Variants in PSMC2 observed in about 807,000 individuals in gnomAD.
PSMC2 encodes 26S proteasome regulatory subunit 7.
PSMC2 carries 7 observed loss-of-function variants against 53.3 expected under a neutral mutation model. The observed-to-expected ratio is 0.13, with a 90% confidence interval of 0.07 to 0.25. PSMC2 has a LOEUF of 0.25. Among genes scored for constraint, PSMC2 ranks in the 10% least tolerant of loss-of-function variants. The pLI, the probability that PSMC2 is intolerant of heterozygous loss-of-function variation, is 1.00. For synonymous variants in PSMC2, 169 were observed against 183.9 expected, an observed-to-expected ratio of 0.92 and a Z score of 0.66; for missense variants, 241 against 544.0, an observed-to-expected ratio of 0.44 and a Z score of 5.54.
At chr7:103,349,612 A>G (rs1425463324) in intron 1 of PSMC2, among the ~76,000 whole-genome samples, 1 of 151,806 alleles carries the variant, frequency 6.6e-6, no homozygotes, top group Non-Finnish European at 1.5e-5. Context: ...ACCACACCCA[A>G]CTAATTTTTG....
At chr7:103,363,527 C>G (rs1820529781) in intron 7 of PSMC2, 88 bp downstream of exon 7, 5 of 1,171,426 alleles carry the variant, frequency 4.3e-6, no homozygotes, top group Non-Finnish European at 5.0e-6. Flanking sequence ...TATTAGATGG[C>G]TTTTAATATT....
At position 103,363,356 on chromosome 7, in the gene PSMC2, C is replaced by G; in HGVS notation, c.508C>G (p.Pro170Ala). 6.2e-7 allele frequency: 1 copy of G among 1,613,420 alleles called. No homozygotes were observed. Among genetic ancestry groups the G allele is most frequent in the Non-Finnish European group, 8.5e-7 (1 of 1,179,424 alleles). Reference sequence around the variant, plus strand: ...GTCCCTCTCTTAGGTGGAAGAGAAACCTGATGTCACATACAGTGATGTTGG... The same window carrying G: ...GTCCCTCTCTTAGGTGGAAGAGAAAGCTGATGTCACATACAGTGATGTTGG... The part of the protein sequence containing the change: ...TVTMMQVEEK[P>A]DVTYSDVGGC... The change falls in exon 7 of 12, where the codon CCT becomes GCT. Residue 170 changes from proline (P) to alanine (A), a missense_variant. By Grantham distance (27) the Pro-to-Ala change is conservative (BLOSUM62 -1). Coordinates refer to ENST00000292644, the MANE Select transcript of PSMC2 (RefSeq NM_002803.4).
intron 1 of PSMC2, among the ~76,000 whole-genome samples, chr7:103,352,215 TAAAAAAAA>T (rs769618353): frequency 3.8e-3 from 156 of 40,622 alleles, no homozygotes; most frequent in Non-Finnish European, 6.0e-3. Flanking sequence ...CATACTTAGT[TAAAAAAAA>T]AAAAAAAAAA....
chr7:103,353,781 T>C lies in PSMC2; in HGVS notation c.71-140T>C, dbSNP rs930612313. On this transcript the variant is annotated intron_variant, in intron 1 of 11. Coordinates refer to ENST00000292644, the MANE Select transcript of PSMC2 (RefSeq NM_002803.4). ...AGTCCAGGAACTATTTGATTGAATATGTATCATCATAATCTTGCTTGATTT... is the reference window on the plus strand; with the variant it reads ...AGTCCAGGAACTATTTGATTGAATACGTATCATCATAATCTTGCTTGATTT... 4 of 710,782 alleles carry C rather than the reference T, an allele frequency of 5.6e-6. No homozygotes were observed. In the East Asian group the frequency reaches 8.2e-5, roughly 15 times the overall value. 44.0% of individuals were successfully genotyped at this position (710,782 alleles called of 1,614,324 possible). A position where few individuals can be genotyped will look rare whatever the true frequency, so the allele number is the denominator to read the frequency against.
intron 1 of PSMC2, among the ~76,000 whole-genome samples, chr7:103,350,731 C>G (rs898764292): frequency 6.6e-6 from 1 of 151,940 alleles, no homozygotes; most frequent in African/African-American, 2.4e-5. Flanking sequence ...TTCCTGGGCT[C>G]AAGTGATCCT....
At chr7:103,359,289 TG>T (rs930155501) in intron 4 of PSMC2, among the ~76,000 whole-genome samples, 4 of 151,762 alleles carry the variant, frequency 2.6e-5, no homozygotes, top group African/African-American at 9.7e-5. Flanking sequence ...TGAGCCACCG[TG>T]CCCAGCCAGC....
At chr7:103,357,370 C>CA (rs1237476490) in intron 4 of PSMC2, among the ~76,000 whole-genome samples, 1 of 150,286 alleles carries the variant, frequency 6.7e-6, no homozygotes, top group African/African-American at 2.4e-5. Flanking sequence ...TAAATAATAA[C>CA]AACTGTATTT....
intron 1 of PSMC2, 38 bp from the exon 2 acceptor site, chr7:103,353,883 T>A (rs1390837065): frequency 6.4e-7 from 1 of 1,564,392 alleles, no homozygotes; most frequent in Admixed American, 1.7e-5. Context: ...TAATTCTAGT[T>A]TCTTTTTGAA....
rs1820887310 is a variant in PSMC2 at position 103,369,252 on chromosome 7, T to A, written c.*1198T>A. On this transcript the variant is annotated 3_prime_UTR_variant, in exon 12 of 12. Transcript: ENST00000292644. ...CTTGATCAGAAAAATTCATCTTTTTTAACCCTGCCCTAATTTTTCTTGAGG... is the reference window on the plus strand; with the variant it reads ...CTTGATCAGAAAAATTCATCTTTTTAAACCCTGCCCTAATTTTTCTTGAGG... 6.6e-6 allele frequency: 1 copy of A among 152,220 alleles called. No individual in the cohort carries two copies. The allele number at this position is 152,220 out of a possible 1,614,324, so 9.4% of individuals were successfully genotyped here.
intron 1 of PSMC2, 130 bp downstream of exon 1, chr7:103,347,911 C>T (rs943427843): frequency 7.3e-6 from 7 of 954,060 alleles, no homozygotes; most frequent in African/African-American, 1.6e-5. Context: ...GTAATTTAGT[C>T]TGGACACCGG....
Position 103,364,045 on chromosome 7 carries a change from G to A in PSMC2, c.592-98G>A, listed in dbSNP as rs541830606. Reference sequence around the variant, plus strand: ...TTAAATATTAAAGTATGGTTTTCAGGATAAAATACTAAACATAAAAGCACT... The same window carrying A: ...TTAAATATTAAAGTATGGTTTTCAGAATAAAATACTAAACATAAAAGCACT... On this transcript the variant is annotated intron_variant, in intron 7 of 11. Transcript: ENST00000292644. The A allele has an allele frequency of 2.3e-3, 2,596 of 1,140,736 alleles. 10 individuals are homozygous for A. The highest frequency in any genetic ancestry group is 2.7e-3 in the Non-Finnish European group (2,166 of 812,860). The allele number at this position is 1,140,736 out of a possible 1,614,324, so 70.7% of individuals were successfully genotyped here. A position where few individuals can be genotyped will look rare whatever the true frequency, so the allele number is the denominator to read the frequency against.
intron 1 of PSMC2, chr7:103,352,983 C>T: frequency 1.3e-6 from 1 of 780,012 alleles, no homozygotes; most frequent in Non-Finnish European, 2.4e-6. Flanking sequence ...TTTTTTACCA[C>T]TCTGTCTATT....
chr7:103,360,732 G>A (rs116921253), intron 4 of PSMC2, among the ~76,000 whole-genome samples: 150 of 152,234 alleles, frequency 9.9e-4, no homozygotes, highest in Admixed American at 3.2e-3. Flanking sequence ...GGGGAAAGGC[G>A]GTTGACTATT....
chr7:103,364,116 AGT>A (rs1311864101), intron 7 of PSMC2, 25 bp from the exon 8 acceptor site: 2 of 1,605,620 alleles, frequency 1.2e-6, no homozygotes, highest in Non-Finnish European at 1.7e-6. Flanking sequence ...AGAAGTGGTA[AGT>A]GTGAAAATTG....
chr7:103,361,403 G>A (rs1218096010), intron 4 of PSMC2, among the ~76,000 whole-genome samples: 2 of 150,420 alleles, frequency 1.3e-5, no homozygotes, highest in East Asian at 1.9e-4. Flanking sequence ...CCAGCTACTC[G>A]GGAGGCTGAG....
chr7:103,347,865 C>T, intron 1 of PSMC2, 84 bp downstream of exon 1: 1 of 1,478,696 alleles, frequency 6.8e-7, no homozygotes. Context: ...TGGATTCCCG[C>T]TCCTGGCTCT....
In PSMC2 at chr7:103,362,766, A is replaced by T; in HGVS notation, c.495+8A>T. On this transcript the variant is annotated splice_region_variant and intron_variant, in intron 6 of 11. Transcript: ENST00000292644. ...ACAGTTACCATGATGCAGGTAAGAAACTATGGGAGGGAAAAGGAAGGCTAT... is the reference window on the plus strand; with the variant it reads ...ACAGTTACCATGATGCAGGTAAGAATCTATGGGAGGGAAAAGGAAGGCTAT... 2 of 1,564,004 alleles carry T rather than the reference A, an allele frequency of 1.3e-6. No individual in the cohort carries two copies. The highest frequency in any genetic ancestry group is 2.3e-5 in the South Asian group (2 of 88,198).
At chr7:103,352,892 A>G (rs760419746) in intron 1 of PSMC2, 8 of 780,814 alleles carry the variant, frequency 1.0e-5, no homozygotes, top group African/African-American at 8.5e-5. Context: ...CATTTCCCCT[A>G]CGGTCTCCAT....
At chr7:103,353,990 T>C in intron 2 of PSMC2, 32 bp downstream of exon 2, 2 of 1,488,062 alleles carry the variant, frequency 1.3e-6, no homozygotes, top group East Asian at 2.3e-5. Flanking sequence ...AAACTATAGA[T>C]GTTTTATGTT....
Sources: allele counts gnomAD v4.1 joint callset (sites outside exome capture counted in the v4.1 genomes callset), GRCh38; gene constraint gnomAD v4.1.1; transcripts MANE v1.5; gene names NCBI Gene and HGNC (gene_info 2026-07-23, HGNC 2026-07-21).